RPS6KA2: variants seen among roughly 807,000 people sequenced by gnomAD.
RPS6KA2 encodes the protein ribosomal protein S6 kinase alpha-2.
A neutral mutation model predicts 91.8 loss-of-function variants in RPS6KA2; 42 were observed. The observed-to-expected ratio is 0.46, with a 90% confidence interval of 0.36 to 0.59. RPS6KA2 has a LOEUF of 0.59. Among genes scored for constraint, RPS6KA2 ranks in the 20% least tolerant of loss-of-function variants. The pLI, the probability that RPS6KA2 is intolerant of heterozygous loss-of-function variation, is 0.00. For synonymous variants in RPS6KA2, 414 were observed against 393.6 expected (o/e 1.05, Z -0.61); for missense variants, 798 against 978.5 (o/e 0.82, Z 2.46).
chr6:166,713,881 G>A (rs988542996), intron 2 of RPS6KA2, among the ~76,000 whole-genome samples: 12 of 152,140 alleles, frequency 7.9e-5, no homozygotes, highest in African/African-American at 1.7e-4. Flanking sequence ...TTGTTAGTGC[G>A]CCCCTCATAG....
chr6:166,826,498 A>C (rs1323520896), intron 2 of RPS6KA2, among the ~76,000 whole-genome samples: 1 of 152,212 alleles, frequency 6.6e-6, no homozygotes, highest in African/African-American at 2.4e-5. Flanking sequence ...TTCAAGGGAG[A>C]ATCTCCCACA....
chr6:166,590,009 T>C (rs892517671), intron 1 of RPS6KA2, among the ~76,000 whole-genome samples: 1 of 151,784 alleles, frequency 6.6e-6, no homozygotes, highest in Non-Finnish European at 1.5e-5. Flanking sequence ...GGCAGCTTGA[T>C]TGGGGTGCTC....
At chr6:166,436,467 C>T (rs1314014723) in intron 14 of RPS6KA2, among the ~76,000 whole-genome samples, 2 of 152,314 alleles carry the variant, frequency 1.3e-5, no homozygotes, top group South Asian at 2.1e-4. Flanking sequence ...AGTCCTGGCT[C>T]TCAATGCCAA....
At chr6:166,677,088 T>C (rs1474148817) in intron 2 of RPS6KA2, among the ~76,000 whole-genome samples, 1 of 152,206 alleles carries the variant, frequency 6.6e-6, no homozygotes, top group Non-Finnish European at 1.5e-5. Context: ...TTATATATAG[T>C]TGTTTTGCGT....
At position 166,418,833 on chromosome 6, in the gene RPS6KA2, C is replaced by A. The variant is rs967673855; in HGVS notation, c.1821-491G>T. 6.6e-6 allele frequency among the ~76,000 whole-genome samples: 1 copy of A among 152,358 alleles called. No individual in the cohort carries two copies. The highest frequency in any genetic ancestry group is 1.9e-4 in the East Asian group (1 of 5,190). On this transcript the variant is annotated intron_variant, in intron 18 of 20. Transcript: ENST00000265678. This position sits in a 1 kb window ranked among gnomAD's most constrained non-coding sequence, Gnocchi z 4.9. ...GGTGCAGCTCTGGCCATATTCCAAG[C>A]GCGTGGGAGGTGTTCATGGTGTCCC...
At chr6:166,555,964 G>T (rs1159408247) in intron 1 of RPS6KA2, among the ~76,000 whole-genome samples, 2 of 152,152 alleles carry the variant, frequency 1.3e-5, no homozygotes, top group South Asian at 2.1e-4. Context: ...TGCTAAGTGG[G>T]GTATCTGGGG....
intron 2 of RPS6KA2, among the ~76,000 whole-genome samples, chr6:166,851,235 C>T (rs933977150): frequency 5.9e-5 from 9 of 152,274 alleles, no homozygotes; most frequent in East Asian, 1.9e-4. Context: ...AGGAGAGCCA[C>T]GCCACCAGTC....
chr6:166,581,797 C>A (rs1320549826), intron 1 of RPS6KA2, among the ~76,000 whole-genome samples: 1 of 137,554 alleles, frequency 7.3e-6, no homozygotes, highest in Non-Finnish European at 1.5e-5. Context: ...GCCCACTGGG[C>A]AGGTGGGCTG....
intron 1 of RPS6KA2, among the ~76,000 whole-genome samples, chr6:166,588,508 T>C (rs1419432684): frequency 6.6e-6 from 1 of 152,176 alleles, no homozygotes. Context: ...ACAGGGACCC[T>C]GCGCTGGGAA....
At chr6:166,632,342 G>A (rs1787104326) in intron 2 of RPS6KA2, among the ~76,000 whole-genome samples, 1 of 152,214 alleles carries the variant, frequency 6.6e-6, no homozygotes, top group Non-Finnish European at 1.5e-5. Context: ...GCTGCACGGG[G>A]TAGCTCACGC....
chr6:166,560,452 T>C (rs966403858), intron 1 of RPS6KA2, among the ~76,000 whole-genome samples: 2 of 152,202 alleles, frequency 1.3e-5, no homozygotes, highest in Non-Finnish European at 2.9e-5. Flanking sequence ...TGACAGTGAA[T>C]GTTCTCAAGC....
chr6:166,656,470 C>A (rs1187003207), intron 2 of RPS6KA2, among the ~76,000 whole-genome samples: 4 of 152,230 alleles, frequency 2.6e-5, no homozygotes, highest in African/African-American at 9.6e-5. Flanking sequence ...GTGGCTCGGA[C>A]ACAGGGGCAT....
In RPS6KA2 at chr6:166,419,881, C is replaced by T; in HGVS notation, c.1820+1G>A. The T allele has an allele frequency of 6.2e-7, 1 of 1,613,464 alleles. No individual in the cohort carries two copies. Among genetic ancestry groups the T allele is most frequent in the Non-Finnish European group, 8.5e-7 (1 of 1,179,472 alleles). The stretch of plus-strand genomic sequence containing the variant: ...GACACCTGTTTGAGGTGACTGCTTA[C>T]CCTGCCAGCATGGTGTACAACAGGA... On this transcript the variant is annotated splice_donor_variant, in intron 18 of 20. Transcript: ENST00000265678. LOFTEE classifies it high-confidence loss of function. This position sits in a 1 kb window ranked among gnomAD's most constrained non-coding sequence, Gnocchi z 5.6.
chr6:166,470,761 C>G (rs934039777), intron 10 of RPS6KA2, among the ~76,000 whole-genome samples: 1 of 152,156 alleles, frequency 6.6e-6, no homozygotes, highest in East Asian at 1.9e-4. Flanking sequence ...TTCGGGAAAG[C>G]GGTGGGGCAG....
At position 166,764,104 on chromosome 6, in the gene RPS6KA2, C is replaced by T. The variant is rs116881605; in HGVS notation, c.123+94096G>A. Among the ~76,000 whole-genome samples, 1,111 of 152,300 alleles carry T rather than the reference C, an allele frequency of 7.3e-3. 15 individuals carry two copies. Among genetic ancestry groups the T allele is most frequent in the African/African-American group, 0.023 (936 of 41,558 alleles). ...CTTCTGAGTGCCCTGTGCCTTGCAT[C>T]GCTGCCGGCTCTGAGGACCACGCGG... On this transcript the variant is annotated intron_variant, in intron 2 of 21. Transcript: ENST00000503859.
At chr6:166,606,896 T>G (rs1465198903) in intron 1 of RPS6KA2, among the ~76,000 whole-genome samples, 2 of 152,146 alleles carry the variant, frequency 1.3e-5, no homozygotes, top group African/African-American at 4.8e-5. Flanking sequence ...ATCCCAGTAC[T>G]TTGGGAGGCC....
intron 15 of RPS6KA2, 131 bp from the exon 16 acceptor site, chr6:166,430,742 CAA>C: frequency 1.1e-6 from 1 of 871,204 alleles, no homozygotes; most frequent in Non-Finnish European, 1.7e-6. Context: ...GGAGTGCAAA[CAA>C]GGCTTCTGCA....
rs73036821 is a variant in RPS6KA2, at chr6:166,553,427, A to C, written c.100-14643T>G. Among the ~76,000 whole-genome samples the C allele has an allele frequency of 4.5e-3, 661 of 148,152 alleles. 1 individual carries two copies. Among genetic ancestry groups the C allele is most frequent in the Non-Finnish European group, 7.5e-3 (508 of 67,364 alleles). On this transcript the variant is annotated intron_variant, in intron 1 of 20. Transcript: ENST00000265678. ...GTGTGAGCCACCATGCCCAGCCTCC[A>C]CTTACTCATGTTTAGTCCCACTTTT...
chr6:166,488,998 T>C, intron 9 of RPS6KA2, 77 bp from the exon 10 acceptor site: 1 of 1,227,852 alleles, frequency 8.1e-7, no homozygotes. Context: ...CAGTCAGCAT[T>C]CAGAGACCTC....
Sources: gnomAD v4.1 joint callset for allele counts (sites outside exome capture counted in the v4.1 genomes callset) on GRCh38, gnomAD v4.1.1 for gene constraint, Gnocchi (gnomAD v3.1) non-coding constraint, MANE v1.5 for transcripts, NCBI Gene and HGNC (gene_info 2026-07-23, HGNC 2026-07-21) for gene names.